Variants in DTX4 observed in about 807,000 individuals in gnomAD.
DTX4 encodes the protein deltex E3 ubiquitin ligase 4.
Under a neutral mutation model 57.6 loss-of-function variants are expected in DTX4, and 28 were observed. The observed-to-expected ratio is 0.49, with a 90% CI of 0.36 to 0.67. The LOEUF is 0.67. Among genes scored for constraint, DTX4 ranks in the 30% least tolerant of loss-of-function variants. The pLI is 0.00. For synonymous variants in DTX4, 316 were observed against 331.0 expected, an observed-to-expected ratio of 0.95 and a Z score of 0.49; for missense variants, 715 against 836.8, an observed-to-expected ratio of 0.85 and a Z score of 1.80.
At position 59,205,524 on chromosome 11, in the gene DTX4, G is replaced by C. The variant is rs931473334; in HGVS notation, c.*615G>C. The C allele has an allele frequency of 3.9e-5, 6 of 155,466 alleles. No individual in the cohort carries two copies. The highest frequency in any genetic ancestry group is 1.4e-4 in the African/African-American group (6 of 41,458). 9.6% of individuals were successfully genotyped at this position (155,466 alleles called of 1,614,324 possible). On this transcript the variant is annotated 3_prime_UTR_variant, in exon 9 of 9. Transcript: ENST00000227451. ...GGGAGCACATTCTGCTGTCATCACA[G>C]TCCTTGGCTTCTCTGGGCCCTCCTC...
At chr11:59,184,919 C>T (rs962839845) in intron 2 of DTX4, among the ~76,000 whole-genome samples, 3 of 152,190 alleles carry the variant, frequency 2.0e-5, no homozygotes, top group Non-Finnish European at 2.9e-5. Flanking sequence ...ATTTAATTAG[C>T]GTGTTTATTC....
At chr11:59,176,289 C>T (rs532149091) in intron 1 of DTX4, among the ~76,000 whole-genome samples, 2 of 152,234 alleles carry the variant, frequency 1.3e-5, no homozygotes, top group African/African-American at 2.4e-5. Flanking sequence ...AAGCACCTTG[C>T]ACACACTATC....
chr11:59,182,721 T>C (rs1003491629), intron 2 of DTX4, among the ~76,000 whole-genome samples: 1 of 152,182 alleles, frequency 6.6e-6, no homozygotes, highest in African/African-American at 2.4e-5. Context: ...CCTAACGTCA[T>C]GGAGTCCTAA....
chr11:59,206,914 T>G lies in DTX4; in HGVS notation c.*2005T>G, dbSNP rs1474206660. Reference sequence around the variant, plus strand: ...TCTCACCAGCAGACCAGGAGACTGGTCCCAAGGTTACTGCACCACAGGGCA... The same window carrying G: ...TCTCACCAGCAGACCAGGAGACTGGGCCCAAGGTTACTGCACCACAGGGCA... On this transcript the variant is annotated 3_prime_UTR_variant, in exon 9 of 9. Transcript: ENST00000227451. The G allele has an allele frequency of 6.6e-6, 1 of 152,536 alleles. No individual in the cohort carries two copies. The highest frequency in any genetic ancestry group is 1.5e-5 in the Non-Finnish European group (1 of 68,038). 9.4% of individuals were successfully genotyped at this position (152,536 alleles called of 1,614,324 possible).
At chr11:59,175,751 A>C (rs1392577335) in intron 1 of DTX4, among the ~76,000 whole-genome samples, 1 of 152,158 alleles carries the variant, frequency 6.6e-6, no homozygotes, top group East Asian at 1.9e-4. Flanking sequence ...ACCTTTCAGC[A>C]TGCCTGACCC....
In DTX4 at chr11:59,205,392, T is replaced by C. The variant is rs541470431; in HGVS notation, c.*483T>C. Reference sequence around the variant, plus strand: ...GCTCTCACTGTGCAAGGTTGGGGGGTGGGCAAAGGGGTGAATCACTAAACT... The same window carrying C: ...GCTCTCACTGTGCAAGGTTGGGGGGCGGGCAAAGGGGTGAATCACTAAACT... On this transcript the variant is annotated 3_prime_UTR_variant, in exon 9 of 9. Transcript: ENST00000227451. 2.4e-5 allele frequency: 4 copies of C among 168,664 alleles called. No individual in the cohort carries two copies. Among genetic ancestry groups the C allele is most frequent in the South Asian group, 2.9e-4 (2 of 6,842 alleles). The allele number at this position is 168,664 out of a possible 1,614,324, so 10.4% of individuals were successfully genotyped here. A position where few individuals can be genotyped will look rare whatever the true frequency, so the allele number is the denominator to read the frequency against.
intron 7 of DTX4, 54 bp from the exon 8 acceptor site, chr11:59,199,630 C>G (rs1355223106): frequency 7.3e-7 from 1 of 1,368,688 alleles, no homozygotes; most frequent in African/African-American, 1.4e-5. Flanking sequence ...TAACCCCGCT[C>G]TTATCAGAAA....
intron 1 of DTX4, among the ~76,000 whole-genome samples, chr11:59,179,066 C>T (rs905499479): frequency 4.0e-5 from 6 of 151,480 alleles, no homozygotes; most frequent in Admixed American, 2.6e-4. Context: ...AAAAAAAAGT[C>T]TTTTAGGCAA....
intron 7 of DTX4, among the ~76,000 whole-genome samples, chr11:59,195,580 A>T (rs1862656022): frequency 6.6e-6 from 1 of 151,876 alleles, no homozygotes. Context: ...CACACACAAC[A>T]GAAAATCGCA....
At chr11:59,188,927 C>A in intron 3 of DTX4, 131 bp downstream of exon 3, 1 of 1,007,794 alleles carries the variant, frequency 9.9e-7, no homozygotes, top group South Asian at 1.5e-5. Flanking sequence ...TTAGGAATTG[C>A]ATGGGAAGGG....
At chr11:59,203,118 T>A (rs11229874) in intron 8 of DTX4, among the ~76,000 whole-genome samples, 14,023 of 152,284 alleles carry the variant, frequency 0.092, 939 homozygotes, top group East Asian at 0.29. Context: ...TGTGAGTGAA[T>A]GTGAAGGCCT....
Position 59,181,708 on chromosome 11 carries a change from C to T in DTX4, c.212-31C>T, listed in dbSNP as rs576672770. On this transcript the variant is annotated intron_variant, in intron 1 of 8. Transcript: ENST00000227451. ...GCCACTCAGTGTAATTGCATGCTGA[C>T]TCTGACCTCTCCCCTATCCCACCCT... is the stretch of plus-strand genomic sequence containing the variant. The T allele has an allele frequency of 2.4e-5, 38 of 1,563,660 alleles. 1 individual carries two copies. Among genetic ancestry groups the T allele is most frequent in the African/African-American group, 1.9e-4 (14 of 73,936 alleles).
intron 4 of DTX4, among the ~76,000 whole-genome samples, chr11:59,190,313 C>T (rs1284404258): frequency 6.6e-6 from 1 of 152,204 alleles, no homozygotes; most frequent in Non-Finnish European, 1.5e-5. Context: ...CCTTATCTGG[C>T]AGAGAGCTAA....
At position 59,189,046 on chromosome 11, in the gene DTX4, A is replaced by T. The variant is rs573824129; in HGVS notation, c.998-116A>T. Reference sequence around the variant, plus strand: ...AAAGTACAGGGTAGAGAATCCAGGAATTATGAGAACTTTCTGCTGGAAAGG... The same window carrying T: ...AAAGTACAGGGTAGAGAATCCAGGATTTATGAGAACTTTCTGCTGGAAAGG... On this transcript the variant is annotated intron_variant, in intron 3 of 8. Coordinates refer to ENST00000227451, the MANE Select transcript of DTX4 (RefSeq NM_015177.2). 38 of 1,292,232 alleles carry T rather than the reference A, an allele frequency of 2.9e-5. No homozygotes were observed. In the African/African-American group the frequency reaches 5.3e-4, roughly 18 times the overall value. The allele number at this position is 1,292,232 out of a possible 1,614,324, so 80.0% of individuals were successfully genotyped here. A position where few individuals can be genotyped will look rare whatever the true frequency, so the allele number is the denominator to read the frequency against.
chr11:59,173,015 G>T lies in DTX4; in HGVS notation c.211+209G>T, dbSNP rs200550444. On this transcript the variant is annotated intron_variant, in intron 1 of 8. Coordinates refer to ENST00000227451, the MANE Select transcript of DTX4 (RefSeq NM_015177.2). The stretch of plus-strand genomic sequence containing the variant: ...AAACATCCATGCAAATAGTATCAGT[G>T]TTGTGGTTTTGCAAACCCAGCTTCA... Among the ~76,000 whole-genome samples the T allele has an allele frequency of 4.6e-5, 7 of 152,256 alleles. No homozygotes were observed. In the East Asian group the frequency reaches 1.4e-3, roughly 29 times the overall value.
chr11:59,172,816 C>A lies in DTX4; in HGVS notation c.211+10C>A. On this transcript the variant is annotated intron_variant, in intron 1 of 8. Transcript: ENST00000227451. ...TTCCGCCAAGACACGGGTGAGCCAG[C>A]CGCCCCTGACCCCGCCCCGCCTGCT... is the stretch of plus-strand genomic sequence containing the variant. 1 of 1,522,320 alleles carries A rather than the reference C, an allele frequency of 6.6e-7. No individual in the cohort carries two copies. The highest frequency in any genetic ancestry group is 8.8e-7 in the Non-Finnish European group (1 of 1,131,430). 94.3% of individuals were successfully genotyped at this position (1,522,320 alleles called of 1,614,324 possible).
intron 8 of DTX4, 134 bp from the exon 9 acceptor site, chr11:59,204,542 C>A: frequency 1.2e-6 from 1 of 801,404 alleles, no homozygotes. Flanking sequence ...AAATCTCTTT[C>A]TTTCCCCTGG....
chr11:59,192,106 C>T lies in DTX4; in HGVS notation c.1230C>T (p.Thr410=), dbSNP rs755901041. 1.9e-6 allele frequency: 3 copies of T among 1,613,344 alleles called. No individual in the cohort carries two copies. The highest frequency in any genetic ancestry group is 2.5e-6 in the Non-Finnish European group (3 of 1,179,838). The change falls in exon 6 of 9, where the codon ACC becomes ACT. Residue 410 remains threonine, a synonymous_variant. Transcript: ENST00000227451. Reference sequence around the variant, plus strand: ...GTCTCCTCCCTCCCCAGGACTGCACCATCTGTATGGAACGCCTCACGGCCC... The same window carrying T: ...GTCTCCTCCCTCCCCAGGACTGCACTATCTGTATGGAACGCCTCACGGCCC... ...KVRHPPDEDC[T]ICMERLTAPS...
intron 4 of DTX4, among the ~76,000 whole-genome samples, chr11:59,190,769 A>G (rs753801377): frequency 2.9e-4 from 44 of 152,240 alleles, no homozygotes; most frequent in Non-Finnish European, 2.4e-4. Flanking sequence ...CCTAACATCT[A>G]TTTAACGTGT....
Sources: allele counts gnomAD v4.1 joint callset (sites outside exome capture counted in the v4.1 genomes callset), GRCh38; gene constraint gnomAD v4.1.1; transcripts MANE v1.5; gene names NCBI Gene and HGNC (gene_info 2026-07-23, HGNC 2026-07-21).